AKAP6: variants seen among roughly 807,000 people sequenced by gnomAD.
AKAP6 encodes A-kinase anchoring protein 6.
In AKAP6, 58 loss-of-function variants were observed where a neutral mutation model predicts 188.5. That is an observed-to-expected ratio of 0.31 (90% CI 0.25 to 0.38). AKAP6 has a LOEUF of 0.38. Among genes scored for constraint, AKAP6 ranks in the 10% least tolerant of loss-of-function variants. AKAP6 has a pLI of 1.00. For missense variants in AKAP6, 2,710 were observed against 2,740.0 expected, an observed-to-expected ratio of 0.99 and a Z score of 0.24; for synonymous variants, 989 against 998.6, an observed-to-expected ratio of 0.99 and a Z score of 0.18.
chr14:32,600,403 C>G (rs1161671547), intron 6 of AKAP6, among the ~76,000 whole-genome samples: 1 of 152,156 alleles, frequency 6.6e-6, no homozygotes, highest in Non-Finnish European at 1.5e-5. Flanking sequence ...AAATCAGTTT[C>G]CAAGCCAGTC....
chr14:32,822,460 A>G lies in AKAP6; in HGVS notation c.4647A>G (p.Thr1549=), dbSNP rs758938254. 4 of 1,614,090 alleles carry G rather than the reference A, an allele frequency of 2.5e-6. No homozygotes were observed. The highest frequency in any genetic ancestry group is 2.7e-5 in the African/African-American group (2 of 75,056). The change falls in exon 13 of 14, where the codon ACA becomes ACG. Residue 1549 remains threonine, a synonymous_variant. Transcript: ENST00000280979. The part of the protein sequence containing the change: ...ISYKSGNIEK[T]FTGMQNAKQL... ...ATAAAAGTGGCAATATAGAAAAGAC[A>G]TTCACTGGCATGCAGAATGCCAAAC... is the stretch of plus-strand genomic sequence containing the variant.
At chr14:32,510,365 T>G (rs1211399842) in intron 2 of AKAP6, among the ~76,000 whole-genome samples, 1 of 103,436 alleles carries the variant, frequency 9.7e-6, no homozygotes, top group Non-Finnish European at 1.9e-5. Context: ...CATATATATA[T>G]GTGTATATAT....
At chr14:32,724,475 G>C (rs1012227395) in intron 9 of AKAP6, among the ~76,000 whole-genome samples, 3 of 152,114 alleles carry the variant, frequency 2.0e-5, no homozygotes, top group Non-Finnish European at 4.4e-5. Flanking sequence ...TTAGATTTTG[G>C]GTGTATGTTC....
intron 3 of AKAP6, among the ~76,000 whole-genome samples, chr14:32,541,995 T>A (rs34553482): frequency 1.4e-4 from 21 of 152,200 alleles, no homozygotes; most frequent in Non-Finnish European, 1.8e-4. Flanking sequence ...ACTTCATTAT[T>A]AAAAATAATA....
chr14:32,556,295 C>A (rs1020491788), intron 4 of AKAP6, among the ~76,000 whole-genome samples: 1 of 151,888 alleles, frequency 6.6e-6, no homozygotes, highest in Non-Finnish European at 1.5e-5. Context: ...ATTTTAATAG[C>A]GTTATTTGAG....
At chr14:32,788,576 A>G (rs1449438547) in intron 12 of AKAP6, among the ~76,000 whole-genome samples, 2 of 152,122 alleles carry the variant, frequency 1.3e-5, no homozygotes, top group African/African-American at 2.4e-5. Flanking sequence ...AGGAACCCCC[A>G]CCCTCAGCCA....
At chr14:32,493,955 A>G (rs1299569693) in intron 2 of AKAP6, among the ~76,000 whole-genome samples, 3 of 152,028 alleles carry the variant, frequency 2.0e-5, no homozygotes, top group Admixed American at 2.0e-4. Flanking sequence ...AGGCAAGGAG[A>G]GTCACGAGGC....
chr14:32,352,707 G>T (rs1468595923), intron 1 of AKAP6, among the ~76,000 whole-genome samples: 1 of 152,080 alleles, frequency 6.6e-6, no homozygotes, highest in East Asian at 1.9e-4. Flanking sequence ...TGCCCTCCAG[G>T]TTTATCTATG....
chr14:32,706,853 C>T (rs1369965332), intron 9 of AKAP6, among the ~76,000 whole-genome samples: 2 of 151,928 alleles, frequency 1.3e-5, no homozygotes, highest in East Asian at 3.9e-4. Flanking sequence ...AACAACCAGG[C>T]TAATGCTCTT....
chr14:32,470,743 T>C (rs1463644750), intron 2 of AKAP6, among the ~76,000 whole-genome samples: 1 of 152,254 alleles, frequency 6.6e-6, no homozygotes, highest in East Asian at 1.9e-4. Context: ...TACTTAGAGC[T>C]AGAATTATGA....
chr14:32,831,416 A>G lies in AKAP6; in HGVS notation c.*1611A>G, dbSNP rs1457508257. 1.3e-5 allele frequency: 2 copies of G among 152,238 alleles called. No homozygotes were observed. Among genetic ancestry groups the G allele is most frequent in the African/African-American group, 4.8e-5 (2 of 41,476 alleles). The allele number at this position is 152,238 out of a possible 1,614,324, so 9.4% of individuals were successfully genotyped here. On this transcript the variant is annotated 3_prime_UTR_variant, in exon 14 of 14. Coordinates refer to ENST00000280979, the MANE Select transcript of AKAP6 (RefSeq NM_004274.5). ...GACACTAAAACATGGACACAACTAG[A>G]AAGAGGTACAATGCAATATAAAGTC...
At chr14:32,799,952 G>A (rs1009903806) in intron 12 of AKAP6, among the ~76,000 whole-genome samples, 16 of 151,384 alleles carry the variant, frequency 1.1e-4, no homozygotes, top group African/African-American at 3.6e-4. Context: ...GCTCATGCCT[G>A]TAATCCCAGC....
chr14:32,763,623 A>T (rs2032610391), intron 11 of AKAP6, among the ~76,000 whole-genome samples: 1 of 152,040 alleles, frequency 6.6e-6, no homozygotes, highest in South Asian at 2.1e-4. Flanking sequence ...TTTCTGCCTG[A>T]CTCCTAGAAA....
chr14:32,624,489 G>A (rs1006824954), intron 7 of AKAP6, among the ~76,000 whole-genome samples: 1 of 152,040 alleles, frequency 6.6e-6, no homozygotes, highest in Non-Finnish European at 1.5e-5. Flanking sequence ...TGGCCCTTTT[G>A]GCTACCTGGC....
rs112903948 is a variant in AKAP6, at chr14:32,379,012, G to A, written c.-35+49604G>A. ...TGGTTCACTGCAACCTCCGCCTCCT[G>A]GGTTCAAGCGATTCTCCTGCCTCAG... On this transcript the variant is annotated intron_variant, in intron 1 of 13. Transcript: ENST00000280979. Among the ~76,000 whole-genome samples, 217 of 151,478 alleles carry A rather than the reference G, an allele frequency of 1.4e-3. 2 individuals are homozygous for A. Among genetic ancestry groups the A allele is most frequent in the African/African-American group, 4.6e-3 (188 of 41,214 alleles).
chr14:32,366,979 T>C (rs145206418), intron 1 of AKAP6, among the ~76,000 whole-genome samples: 216 of 152,272 alleles, frequency 1.4e-3, no homozygotes, highest in South Asian at 5.8e-3. Flanking sequence ...AGCTCTGGAA[T>C]AGGTTCTTGA....
At position 32,823,006 on chromosome 14, in the gene AKAP6, T is replaced by C. The variant is rs1406552352; in HGVS notation, c.5193T>C (p.Asp1731=). Residue 1731 remains aspartate (D), a synonymous_variant, in exon 13 of 14, where the codon GAT becomes GAC. Coordinates refer to ENST00000280979, the MANE Select transcript of AKAP6 (RefSeq NM_004274.5). ...CTCGTTCAGTGGCTGATGAAAGCGATGTCAATGTCAGCATGATTGTTAATG... is the reference window on the plus strand; with the variant it reads ...CTCGTTCAGTGGCTGATGAAAGCGACGTCAATGTCAGCATGATTGTTAATG... ...RLTRSVADES[D]VNVSMIVNVS... The C allele has an allele frequency of 5.0e-6, 8 of 1,613,816 alleles. No homozygotes were observed. In the African/African-American group the frequency reaches 6.7e-5, roughly 13 times the overall value.
intron 9 of AKAP6, among the ~76,000 whole-genome samples, chr14:32,697,822 C>T (rs533851700): frequency 6.4e-4 from 97 of 152,142 alleles, no homozygotes; most frequent in South Asian, 4.8e-3. Context: ...TTGCAGTTTC[C>T]TTATAAGTGC....
intron 8 of AKAP6, among the ~76,000 whole-genome samples, chr14:32,690,937 G>A (rs1348267945): frequency 6.6e-6 from 1 of 152,110 alleles, no homozygotes; most frequent in Non-Finnish European, 1.5e-5. Context: ...CTTTCATAGA[G>A]TATATATGAG....
Sources: allele counts gnomAD v4.1 joint callset (sites outside exome capture counted in the v4.1 genomes callset), GRCh38; gene constraint gnomAD v4.1.1; transcripts MANE v1.5; gene names NCBI Gene and HGNC (gene_info 2026-07-23, HGNC 2026-07-21).